EPHA6: variants seen among roughly 807,000 people sequenced by gnomAD.
EPHA6 encodes the protein EPH receptor A6, also known as ephrin type-A receptor 6.
In EPHA6, 50 loss-of-function variants were observed where a neutral mutation model predicts 112.0. The ratio of observed to expected loss-of-function variants is 0.45; its 90% CI spans 0.36 to 0.56. The LOEUF (loss-of-function observed/expected upper bound fraction) is 0.56. EPHA6 is among the 20% of genes least tolerant of loss of function. EPHA6 has a pLI of 0.00. For synonymous variants in EPHA6, 529 were observed against 490.7 expected (o/e 1.08, Z -1.03); for missense variants, 1,280 against 1,417.4 (o/e 0.90, Z 1.56).
At chr3:97,051,061 T>TGA (rs1191478825) in intron 3 of EPHA6, among the ~76,000 whole-genome samples, 1 of 152,142 alleles carries the variant, frequency 6.6e-6, no homozygotes, top group East Asian at 1.9e-4. Context: ...ACATGTCCAA[T>TGA]GATAATATTT....
intron 4 of EPHA6, among the ~76,000 whole-genome samples, chr3:97,242,012 T>C (rs954738778): frequency 1.3e-5 from 2 of 151,708 alleles, no homozygotes; most frequent in Non-Finnish European, 2.9e-5. Context: ...GCTACGTTTA[T>C]CCCTGTTCTC....
chr3:96,994,035 C>A (rs529334497), intron 3 of EPHA6, among the ~76,000 whole-genome samples: 4 of 152,220 alleles, frequency 2.6e-5, no homozygotes, highest in African/African-American at 9.6e-5. Flanking sequence ...AAAAGTCGTA[C>A]TACTGAATGT....
chr3:96,909,185 A>G (rs2039088388), intron 2 of EPHA6, among the ~76,000 whole-genome samples: 1 of 151,986 alleles, frequency 6.6e-6, no homozygotes, highest in African/African-American at 2.4e-5. Context: ...TAAGAGTCAT[A>G]TTAACTTCCT....
chr3:97,266,819 G>A (rs1416463753), intron 5 of EPHA6, among the ~76,000 whole-genome samples: 2 of 151,876 alleles, frequency 1.3e-5, no homozygotes, highest in African/African-American at 2.4e-5. Context: ...TCAGGAATTT[G>A]ATATTTTGCT....
intron 11 of EPHA6, among the ~76,000 whole-genome samples, chr3:97,554,095 C>A (rs2093068687): frequency 6.6e-6 from 1 of 152,082 alleles, no homozygotes; most frequent in Non-Finnish European, 1.5e-5. Context: ...TCATTAACTG[C>A]AATTTAGTTC....
In EPHA6 at chr3:97,253,793, T is replaced by G. The variant is rs1257919965; in HGVS notation, c.1606+9506T>G. ...TAATGGATGCCATACTATTTTGACTTCCTGTTTCAAGGCTTCTATATATAA... is the reference window on the plus strand; with the variant it reads ...TAATGGATGCCATACTATTTTGACTGCCTGTTTCAAGGCTTCTATATATAA... On this transcript the variant is annotated intron_variant, in intron 5 of 17. Coordinates refer to ENST00000389672, the MANE Select transcript of EPHA6 (RefSeq NM_001080448.3). Among the ~76,000 whole-genome samples, 4 of 152,150 alleles carry G rather than the reference T, an allele frequency of 2.6e-5. No individual in the cohort carries two copies. In the East Asian group the frequency reaches 7.7e-4, roughly 29 times the overall value.
Position 97,244,821 on chromosome 3 carries a change from TA to T in EPHA6, c.1606+537del, listed in dbSNP as rs199936416. ...CTATGTGAAGTTTGTGAAAAGTAGT[TA>T]AACTGTTCAGAAATCTGATGAATTC... On this transcript the variant is annotated intron_variant, in intron 5 of 17. Transcript: ENST00000389672. 9.1e-3 allele frequency: 1,403 copies of T among 153,588 alleles called. 9 individuals are homozygous for T. The highest frequency in any genetic ancestry group is 0.014 in the Middle Eastern group (4 of 296). 9.5% of individuals were successfully genotyped at this position (153,588 alleles called of 1,614,324 possible).
At chr3:97,645,806 C>T (rs887015637) in intron 14 of EPHA6, among the ~76,000 whole-genome samples, 4 of 151,848 alleles carry the variant, frequency 2.6e-5, no homozygotes, top group Admixed American at 6.6e-5. Context: ...TTTCTTTGAA[C>T]GTATATTTTA....
intron 14 of EPHA6, among the ~76,000 whole-genome samples, chr3:97,659,587 A>C (rs1009062828): frequency 9.9e-5 from 15 of 151,940 alleles, no homozygotes; most frequent in African/African-American, 3.4e-4. Context: ...AGAGATACAA[A>C]CCCAACAACC....
At chr3:97,311,492 T>A (rs1214099341) in intron 5 of EPHA6, among the ~76,000 whole-genome samples, 1 of 150,792 alleles carries the variant, frequency 6.6e-6, no homozygotes, top group African/African-American at 2.4e-5. Flanking sequence ...TCTGGGTCAA[T>A]ATTTTGATTT....
chr3:97,596,902 A>ATATATATATATATATATATATATG (rs1488752484), intron 12 of EPHA6, among the ~76,000 whole-genome samples: 1 of 114,322 alleles, frequency 8.7e-6, no homozygotes, highest in African/African-American at 3.0e-5. Flanking sequence ...ATATATATAT[A>ATATATATATATATATATATATATG]TATGTATGTA....
At chr3:97,491,547 G>A (rs1290331094) in intron 10 of EPHA6, among the ~76,000 whole-genome samples, 1 of 151,626 alleles carries the variant, frequency 6.6e-6, no homozygotes, top group Non-Finnish European at 1.5e-5. Context: ...TCTTATACCT[G>A]TATTCAGTGT....
At chr3:97,622,328 T>C (rs539689562) in intron 13 of EPHA6, among the ~76,000 whole-genome samples, 17 of 151,972 alleles carry the variant, frequency 1.1e-4, no homozygotes, top group Non-Finnish European at 1.6e-4. Context: ...TAGTATCTCA[T>C]GTAAGTGAAA....
intron 5 of EPHA6, among the ~76,000 whole-genome samples, chr3:97,344,325 AAAT>A (rs900645409): frequency 1.1e-4 from 17 of 152,128 alleles, no homozygotes; most frequent in Non-Finnish European, 1.5e-5. Context: ...GCAAAAGAAT[AAAT>A]AATAATAATA....
At chr3:97,100,147 C>T (rs2047359977) in intron 3 of EPHA6, among the ~76,000 whole-genome samples, 1 of 151,566 alleles carries the variant, frequency 6.6e-6, no homozygotes, top group South Asian at 2.1e-4. Context: ...AGAAGCTGTT[C>T]TTCACTTCAA....
chr3:97,289,971 A>G (rs750767863), intron 5 of EPHA6, among the ~76,000 whole-genome samples: 3 of 151,696 alleles, frequency 2.0e-5, no homozygotes, highest in Non-Finnish European at 2.9e-5. Flanking sequence ...TTCTGCACGG[A>G]TTTTAGTTAT....
In EPHA6 at chr3:97,756,763, T is replaced by C. The variant is rs1488619367; in HGVS notation, c.*8062T>C. Among the ~76,000 whole-genome samples the C allele has an allele frequency of 6.6e-6, 1 of 151,874 alleles. No homozygotes were observed. Among genetic ancestry groups the C allele is most frequent in the Non-Finnish European group, 1.5e-5 (1 of 67,792 alleles). ...GCAGGACACAATATCTGAGCAGTGTTAACAAATATGAACATGAGTAACATT... is the reference window on the plus strand; with the variant it reads ...GCAGGACACAATATCTGAGCAGTGTCAACAAATATGAACATGAGTAACATT... On this transcript the variant is annotated 3_prime_UTR_variant, in exon 18 of 18. Coordinates refer to ENST00000389672, the MANE Select transcript of EPHA6 (RefSeq NM_001080448.3).
intron 5 of EPHA6, among the ~76,000 whole-genome samples, chr3:97,323,340 A>C (rs892957153): frequency 2.0e-5 from 3 of 151,952 alleles, no homozygotes; most frequent in East Asian, 1.9e-4. Context: ...AGGTATATGC[A>C]TATAAGAGAA....
Position 97,226,369 on chromosome 3 carries a change from A to T in EPHA6, c.1220A>T (p.Glu407Val), listed in dbSNP as rs749134413. The T allele has an allele frequency of 8.1e-6, 13 of 1,613,690 alleles. No individual in the cohort carries two copies. The highest frequency in any genetic ancestry group is 1.0e-5 in the Non-Finnish European group (12 of 1,179,670). ...GAAGCAACTTCTGTCTGTCAGTGTG[A>T]AAAGGGTTATTTCCGAGCTGAAAAA... The part of the protein sequence containing the change: ...YMEATSVCQC[E>V]KGYFRAEKDP... Residue 407 changes from glutamate (E) to valine (V), a missense_variant, in exon 4 of 18, where the codon GAA (glutamate) becomes GTA (valine). By Grantham distance (121) the Glu-to-Val change is moderately radical (BLOSUM62 -2). This residue lies in a region of EPHA6 where 878 missense variants were observed against 999.7 expected (regional missense o/e 0.88). Transcript: ENST00000389672.
Sources: gnomAD v4.1 joint callset for allele counts (sites outside exome capture counted in the v4.1 genomes callset) on GRCh38, gnomAD v4.1.1 for gene constraint, gnomAD v4.1.1 regional missense constraint, MANE v1.5 for transcripts, NCBI Gene and HGNC (gene_info 2026-07-23, HGNC 2026-07-21) for gene names.